SIN3A: variants seen among roughly 807,000 people sequenced by gnomAD.
SIN3A encodes the protein paired amphipathic helix protein Sin3a.
SIN3A carries 14 observed loss-of-function variants against 146.1 expected under a neutral mutation model. The observed-to-expected ratio is 0.10, with a 90% CI of 0.06 to 0.15. The LOEUF is 0.15. Ranked by LOEUF, SIN3A falls within the 10% of genes least tolerant of loss-of-function variation. SIN3A has a pLI of 1.00. For missense variants in SIN3A, 1,028 were observed against 1,576.0 expected, an observed-to-expected ratio of 0.65 and a Z score of 5.89; for synonymous variants, 572 against 572.0, an observed-to-expected ratio of 1.00 and a Z score of 0.00.
At chr15:75,409,166 T>C (rs548095738) in intron 8 of SIN3A, among the ~76,000 whole-genome samples, 32 of 151,152 alleles carry the variant, frequency 2.1e-4, no homozygotes, top group Non-Finnish European at 3.8e-4. Flanking sequence ...ATCACACCAC[T>C]GCACTCCAGC....
At chr15:75,401,721 T>C (rs1488190037) in intron 10 of SIN3A, 131 bp downstream of exon 10, 10 of 629,514 alleles carry the variant, frequency 1.6e-5, no homozygotes, top group Non-Finnish European at 2.8e-5. Flanking sequence ...CTCAGGACTC[T>C]TCTGGCACTA....
chr15:75,397,866 T>C lies in SIN3A; in HGVS notation c.1855-1370A>G, dbSNP rs76540668. Reference sequence around the variant, plus strand: ...TGCTAAACTCATCAGTTAACCTTACTAAACGTAAGTAACAAAGAAATGCCT... The same window carrying C: ...TGCTAAACTCATCAGTTAACCTTACCAAACGTAAGTAACAAAGAAATGCCT... On this transcript the variant is annotated intron_variant, in intron 12 of 20. Coordinates refer to ENST00000394947, the MANE Select transcript of SIN3A (RefSeq NM_001145358.2). Among the ~76,000 whole-genome samples the C allele has an allele frequency of 8.4e-3, 1,276 of 152,306 alleles. 34 individuals carry two copies. In the East Asian group the frequency reaches 0.1, roughly 12 times the overall value.
chr15:75,441,857 T>G (rs1267113978), intron 1 of SIN3A, among the ~76,000 whole-genome samples: 2 of 152,036 alleles, frequency 1.3e-5, no homozygotes, highest in African/African-American at 2.4e-5. Context: ...CGTGTGGCTC[T>G]TGCCTCTAAT....
At chr15:75,417,840 T>C (rs968109291) in intron 3 of SIN3A, among the ~76,000 whole-genome samples, 1 of 152,144 alleles carries the variant, frequency 6.6e-6, no homozygotes, top group Non-Finnish European at 1.5e-5. Context: ...AAAGTGATTG[T>C]GGAGCCCTCA....
chr15:75,435,698 C>CAAAAAA, intron 1 of SIN3A, among the ~76,000 whole-genome samples: 1 of 57,296 alleles, frequency 1.7e-5, no homozygotes, highest in South Asian at 6.5e-4. Context: ...AACTACGTCT[C>CAAAAAA]AAAAAAAAAA....
At chr15:75,405,030 C>T (rs1436701714) in intron 9 of SIN3A, among the ~76,000 whole-genome samples, 1 of 151,496 alleles carries the variant, frequency 6.6e-6, no homozygotes, top group African/African-American at 2.4e-5. Flanking sequence ...CCTGCAAGTC[C>T]CAGCTACTCA....
intron 9 of SIN3A, among the ~76,000 whole-genome samples, chr15:75,404,078 A>C (rs2073463440): frequency 6.6e-6 from 1 of 152,202 alleles, no homozygotes; most frequent in South Asian, 2.1e-4. Context: ...GTTCCAAAAT[A>C]AGTATTTAGC....
At chr15:75,438,135 C>T (rs1346230315) in intron 1 of SIN3A, among the ~76,000 whole-genome samples, 12 of 151,896 alleles carry the variant, frequency 7.9e-5, no homozygotes, top group African/African-American at 2.2e-4. Flanking sequence ...CTGAGGCAGG[C>T]GGATCACTTG....
At chr15:75,446,777 T>A (rs2141632637) in intron 1 of SIN3A, among the ~76,000 whole-genome samples, 1 of 149,594 alleles carries the variant, frequency 6.7e-6, no homozygotes, top group East Asian at 2.0e-4. Flanking sequence ...AGACATATCC[T>A]TTTTTTTTTC....
At chr15:75,431,556 T>G (rs900385117) in intron 1 of SIN3A, among the ~76,000 whole-genome samples, 1 of 151,978 alleles carries the variant, frequency 6.6e-6, no homozygotes, top group Non-Finnish European at 1.5e-5. Context: ...AAAAATCTCT[T>G]AAATAAGATA....
At chr15:75,418,866 T>C (rs2073791736) in intron 3 of SIN3A, among the ~76,000 whole-genome samples, 1 of 151,894 alleles carries the variant, frequency 6.6e-6, no homozygotes, top group Non-Finnish European at 1.5e-5. Flanking sequence ...GCCATTCTCC[T>C]GCCTCAGCCT....
In SIN3A at chr15:75,411,680, A is replaced by G. The variant is rs746118081; in HGVS notation, c.820T>C (p.Ser274Pro). The G allele has an allele frequency of 4.5e-5, 72 of 1,613,732 alleles. No individual in the cohort carries two copies. The highest frequency in any genetic ancestry group is 5.2e-5 in the Non-Finnish European group (61 of 1,179,840). Residue 274 changes from serine (S) to proline (P), a missense_variant, in exon 6 of 21, where the codon TCC becomes CCC. Ser to Pro is a moderately conservative substitution (Grantham distance 74, BLOSUM62 -1). Coordinates refer to ENST00000394947, the MANE Select transcript of SIN3A (RefSeq NM_001145358.2). Reference protein sequence around the residue: ...QQTPPLPPYASPRSPPVQPHT... With the variant: ...QQTPPLPPYAPPRSPPVQPHT... ...GGCTGGACCGGCGGAGAACGTGGGG[A>G]TGCATACGGTGGAAGTGGGGGAGTC...
intron 9 of SIN3A, among the ~76,000 whole-genome samples, chr15:75,403,559 A>G (rs1352294598): frequency 6.9e-6 from 1 of 145,150 alleles, no homozygotes; most frequent in Admixed American, 6.9e-5. Context: ...TTTTTTTTTG[A>G]GACCGAGTTT....
chr15:75,440,805 G>A (rs1301106006), intron 1 of SIN3A, among the ~76,000 whole-genome samples: 1 of 151,750 alleles, frequency 6.6e-6, no homozygotes, highest in African/African-American at 2.4e-5. Flanking sequence ...ACAAGGTGAA[G>A]CCCCGTCTTT....
intron 1 of SIN3A, among the ~76,000 whole-genome samples, chr15:75,450,190 AAAC>A (rs1448977288): frequency 4.6e-5 from 7 of 151,544 alleles, no homozygotes; most frequent in African/African-American, 1.7e-4. Context: ...TAAAAAAAAA[AAAC>A]AAACCCTACT....
intron 16 of SIN3A, among the ~76,000 whole-genome samples, chr15:75,386,060 G>A (rs541484880): frequency 5.3e-5 from 8 of 152,234 alleles, no homozygotes; most frequent in South Asian, 2.1e-4. Context: ...TCGCTCTGTC[G>A]CCCAGGCTGG....
At chr15:75,389,627 A>AC (rs764907635) in intron 16 of SIN3A, 25 bp downstream of exon 16, 16 of 1,609,654 alleles carry the variant, frequency 9.9e-6, no homozygotes, top group Non-Finnish European at 1.2e-5. Context: ...TCCCTTACTC[A>AC]CCCTAGCCTC....
At chr15:75,428,755 C>T (rs147587797) in intron 2 of SIN3A, among the ~76,000 whole-genome samples, 3 of 152,104 alleles carry the variant, frequency 2.0e-5, no homozygotes, top group South Asian at 2.1e-4. Context: ...CTTCCAACTT[C>T]GCCAACTGTT....
At chr15:75,449,154 ATCTC>A (rs1289001226) in intron 1 of SIN3A, among the ~76,000 whole-genome samples, 1 of 152,162 alleles carries the variant, frequency 6.6e-6, no homozygotes, top group Non-Finnish European at 1.5e-5. Flanking sequence ...GTTCTCCACT[ATCTC>A]TCTCAGTTTA....
Sources: allele counts gnomAD v4.1 joint callset (sites outside exome capture counted in the v4.1 genomes callset), GRCh38; gene constraint gnomAD v4.1.1; transcripts MANE v1.5; gene names NCBI Gene and HGNC (gene_info 2026-07-23, HGNC 2026-07-21).